The following CFH variants were observed in gnomAD, a reference collection of about 807,000 sequenced individuals.
CFH encodes the protein complement factor H, also known as H factor 1 (complement).
In CFH, 53 loss-of-function variants were observed where a neutral mutation model predicts 147.3. The observed-to-expected ratio is 0.36, with a 90% CI of 0.29 to 0.45. CFH has a LOEUF of 0.45. Ranked by LOEUF, CFH falls within the 20% of genes least tolerant of loss-of-function variation. The pLI is 1.00. For missense variants in CFH, 1,380 were observed against 1,498.0 expected, an observed-to-expected ratio of 0.92 and a Z score of 1.30; for synonymous variants, 536 against 489.4, an observed-to-expected ratio of 1.10 and a Z score of -1.26.
chr1:196,688,472 G>A (rs1163835061), intron 7 of CFH, among the ~76,000 whole-genome samples: 2 of 152,034 alleles, frequency 1.3e-5, no homozygotes, highest in African/African-American at 4.8e-5. Flanking sequence ...ACAGACTGGA[G>A]AACTTGGCTT....
chr1:196,713,240 A>T (rs970835549), intron 9 of CFH, among the ~76,000 whole-genome samples: 2 of 152,100 alleles, frequency 1.3e-5, no homozygotes, highest in Admixed American at 1.3e-4. Flanking sequence ...CCACATGTCC[A>T]TTTACTTTGA....
intron 1 of CFH, among the ~76,000 whole-genome samples, chr1:196,654,028 C>T (rs1337941511): frequency 3.9e-5 from 6 of 152,028 alleles, no homozygotes; most frequent in Admixed American, 2.0e-4. Context: ...TAAACTAGTT[C>T]GAGATGTCCA....
chr1:196,709,927 T>C (rs1030018046), intron 9 of CFH, among the ~76,000 whole-genome samples: 5 of 152,064 alleles, frequency 3.3e-5, no homozygotes, highest in Non-Finnish European at 7.4e-5. Context: ...GGAGGACCAC[T>C]TGAGCCTGGG....
intron 9 of CFH, among the ~76,000 whole-genome samples, chr1:196,692,981 G>T (rs1668118666): frequency 6.9e-6 from 1 of 143,940 alleles, no homozygotes; most frequent in South Asian, 2.2e-4. Context: ...TCTTAAGAAT[G>T]TTACTATTTT....
chr1:196,686,681 A>G (rs1667840955), intron 7 of CFH, among the ~76,000 whole-genome samples: 2 of 152,096 alleles, frequency 1.3e-5, no homozygotes, highest in Non-Finnish European at 2.9e-5. Context: ...CAGTGTGCAT[A>G]AGAATTATGA....
intron 15 of CFH, among the ~76,000 whole-genome samples, chr1:196,734,749 T>C (rs1179880553): frequency 1.3e-5 from 2 of 152,110 alleles, no homozygotes; most frequent in Non-Finnish European, 1.5e-5. Context: ...TTTTTAAATC[T>C]TGATCATTGT....
At chr1:196,652,662 C>A (rs917973702) in intron 1 of CFH, among the ~76,000 whole-genome samples, 41 of 151,422 alleles carry the variant, frequency 2.7e-4, no homozygotes, top group African/African-American at 9.0e-4. Context: ...CCTTAGAATT[C>A]TTGTAGACAA....
intron 1 of CFH, among the ~76,000 whole-genome samples, chr1:196,671,587 TACACACACACACACAC>T (rs551313147): frequency 2.3e-5 from 3 of 129,490 alleles, no homozygotes; most frequent in Admixed American, 7.9e-5. Flanking sequence ...AAAAGACTAA[TACACACACACACACAC>T]ACACACACAC....
At chr1:196,733,567 G>T (rs547807336) in intron 15 of CFH, among the ~76,000 whole-genome samples, 1 of 152,002 alleles carries the variant, frequency 6.6e-6, no homozygotes, top group African/African-American at 2.4e-5. Flanking sequence ...ACTGCTCTTG[G>T]GCAATGAAGC....
chr1:196,696,294 G>A (rs903853850), intron 9 of CFH, among the ~76,000 whole-genome samples: 4 of 152,016 alleles, frequency 2.6e-5, no homozygotes, highest in African/African-American at 9.7e-5. Flanking sequence ...TTAGAAATCA[G>A]GATTAAGAAA....
chr1:196,703,780 C>G (rs1002978573), intron 9 of CFH, among the ~76,000 whole-genome samples: 2 of 151,744 alleles, frequency 1.3e-5, no homozygotes, highest in African/African-American at 4.8e-5. Flanking sequence ...GTCAGGAGAT[C>G]GAGACCATCC....
intron 9 of CFH, among the ~76,000 whole-genome samples, chr1:196,692,653 G>T (rs553318933): frequency 2.4e-5 from 2 of 82,538 alleles, no homozygotes. Context: ...CTTTGTCTAC[G>T]TTTCTCCTTC....
chr1:196,700,796 G>A (rs1482680990), intron 9 of CFH: 2 of 985,170 alleles, frequency 2.0e-6, no homozygotes, highest in African/African-American at 3.5e-5. Context: ...ATGAACTAAG[G>A]GCCTTAGCTG....
intron 17 of CFH, among the ~76,000 whole-genome samples, chr1:196,739,325 A>G (rs11799380): frequency 0.16 from 24,615 of 152,174 alleles, 2,518 homozygotes; most frequent in East Asian, 0.48. Flanking sequence ...AGAAAAATGA[A>G]GTTTTATTTT....
At chr1:196,710,880 C>A (rs548243400) in intron 9 of CFH, among the ~76,000 whole-genome samples, 20 of 152,012 alleles carry the variant, frequency 1.3e-4, no homozygotes, top group South Asian at 2.1e-4. Flanking sequence ...GTTTAATAGA[C>A]AGAATTTATT....
chr1:196,708,563 G>A (rs1236277179), intron 9 of CFH, among the ~76,000 whole-genome samples: 2 of 152,006 alleles, frequency 1.3e-5, no homozygotes, highest in African/African-American at 4.8e-5. Flanking sequence ...ATTCTGGGGA[G>A]CCTGTAAAAA....
chr1:196,659,775 A>G (rs762409267), intron 1 of CFH, among the ~76,000 whole-genome samples: 1 of 152,132 alleles, frequency 6.6e-6, no homozygotes, highest in Non-Finnish European at 1.5e-5. Context: ...TGTTTTGGAT[A>G]ATCCTCAATT....
At chr1:196,664,759 C>T (rs1247045107) in intron 1 of CFH, among the ~76,000 whole-genome samples, 3 of 152,052 alleles carry the variant, frequency 2.0e-5, no homozygotes, top group Non-Finnish European at 2.9e-5. Context: ...CATAATTTGA[C>T]AATTTTCATA....
intron 1 of CFH, among the ~76,000 whole-genome samples, chr1:196,668,132 T>A (rs1667159022): frequency 6.6e-6 from 1 of 152,152 alleles, no homozygotes; most frequent in African/African-American, 2.4e-5. Flanking sequence ...TTTTATTTAC[T>A]CTTCTATTTA....
Sources: allele counts gnomAD v4.1 joint callset (sites outside exome capture counted in the v4.1 genomes callset), GRCh38; gene constraint gnomAD v4.1.1; transcripts MANE v1.5; gene names NCBI Gene and HGNC (gene_info 2026-07-23, HGNC 2026-07-21).